The following GRK7 variants were observed in gnomAD, a reference collection of about 807,000 sequenced individuals.
GRK7 encodes rhodopsin kinase GRK7.
In GRK7, 24 loss-of-function variants were observed where a neutral mutation model predicts 34.1. The observed-to-expected ratio is 0.70, with a 90% confidence interval of 0.51 to 0.99. The LOEUF is 0.99. GRK7 is among the 50% of genes least tolerant of loss of function. GRK7 has a pLI of 0.00. For synonymous variants in GRK7, 256 were observed against 279.4 expected (o/e 0.92, Z 0.84); for missense variants, 644 against 707.3 (o/e 0.91, Z 1.02).
At chr3:141,801,681 T>C (rs1302522887) in intron 4 of GRK7, among the ~76,000 whole-genome samples, 1 of 152,186 alleles carries the variant, frequency 6.6e-6, no homozygotes, top group African/African-American at 2.4e-5. Context: ...TGTAGTGCTT[T>C]GTTTTAGTGT....
chr3:141,796,665 T>C (rs1304579404), intron 4 of GRK7, among the ~76,000 whole-genome samples: 1 of 152,194 alleles, frequency 6.6e-6, no homozygotes, highest in Non-Finnish European at 1.5e-5. Flanking sequence ...GGGGTTTCAT[T>C]TGTGGTTTTC....
At chr3:141,787,302 A>T (rs1307994172) in intron 4 of GRK7, among the ~76,000 whole-genome samples, 1 of 152,198 alleles carries the variant, frequency 6.6e-6, no homozygotes, top group Non-Finnish European at 1.5e-5. Context: ...GAAGGTAGCC[A>T]GAGAAATATT....
intron 5 of GRK7, among the ~76,000 whole-genome samples, chr3:141,811,666 T>C (rs1159850058): frequency 6.6e-6 from 1 of 152,220 alleles, no homozygotes; most frequent in Non-Finnish European, 1.5e-5. Context: ...ATTTCAACTC[T>C]TTATATTTTT....
chr3:141,794,811 G>A (rs1577920729), intron 4 of GRK7, among the ~76,000 whole-genome samples: 1 of 152,238 alleles, frequency 6.6e-6, no homozygotes, highest in East Asian at 1.9e-4. Context: ...GTGATGGTTT[G>A]GATACGGGGT....
intron 1 of GRK7, among the ~76,000 whole-genome samples, chr3:141,773,588 T>G (rs1342941827): frequency 2.0e-5 from 3 of 152,176 alleles, no homozygotes; most frequent in African/African-American, 2.4e-5. Context: ...CTCGGCTCAC[T>G]GCAAGCTCCA....
chr3:141,782,293 A>G (rs555579371), intron 4 of GRK7, among the ~76,000 whole-genome samples: 91 of 152,274 alleles, frequency 6.0e-4, no homozygotes, highest in African/African-American at 2.1e-3. Flanking sequence ...AAGAAGTGGG[A>G]GCAAATTGGA....
At chr3:141,794,888 C>T (rs1351508885) in intron 4 of GRK7, among the ~76,000 whole-genome samples, 1 of 152,138 alleles carries the variant, frequency 6.6e-6, no homozygotes. Context: ...GACTTAGACC[C>T]TGAGTACTAA....
chr3:141,794,083 A>G (rs192005268), intron 4 of GRK7, among the ~76,000 whole-genome samples: 1 of 152,106 alleles, frequency 6.6e-6, no homozygotes, highest in Non-Finnish European at 1.5e-5. Flanking sequence ...TGGGGGTAGA[A>G]GTGGGAGGTG....
At position 141,819,321 on chromosome 3, in the gene GRK7, TA is replaced by T. The variant is rs1478840995; in HGVS notation, c.*2278del. On this transcript the variant is annotated 3_prime_UTR_variant, in exon 6 of 6. Transcript: ENST00000682958. ...TAAAAGGACAAAAAATTTGGAGAGA[TA>T]AAAAAATAAAAATGTCTTGTTGCAT... is the stretch of plus-strand genomic sequence containing the variant. 2.6e-5 allele frequency among the ~76,000 whole-genome samples: 4 copies of T among 152,254 alleles called. No homozygotes were observed. The East Asian group carries it at 7.7e-4, about 29-fold the overall frequency.
chr3:141,809,177 G>C (rs1317017033), intron 5 of GRK7, among the ~76,000 whole-genome samples: 1 of 152,068 alleles, frequency 6.6e-6, no homozygotes, highest in Non-Finnish European at 1.5e-5. Flanking sequence ...ACTCCAGCCT[G>C]GGCAACAGAG....
chr3:141,760,247 C>T (rs1236335884), upstream of GRK7, among the ~76,000 whole-genome samples: 1 of 123,786 alleles, frequency 8.1e-6, no homozygotes, highest in Non-Finnish European at 1.7e-5. Flanking sequence ...CTCTTGTGGG[C>T]ATTTAGTGCT....
rs1376151396 is a variant in GRK7, at chr3:141,779,211, CTAAATTGTGA to C, written c.612+319_612+328del. 1.3e-4 allele frequency among the ~76,000 whole-genome samples: 19 copies of C among 151,988 alleles called. 1 individual carries two copies. Among genetic ancestry groups the C allele is most frequent in the Admixed American group, 6.6e-5 (1 of 15,250 alleles). ...GTGTGACAGAAGATCTCCGTTTCCC[CTAAATTGTGA>C]TAATGAAGGCACTTCAAGAAAAATG... On this transcript the variant is annotated intron_variant, in intron 3 of 5. Transcript: ENST00000682958.
chr3:141,810,170 A>G (rs1204394913), intron 5 of GRK7, among the ~76,000 whole-genome samples: 1 of 152,088 alleles, frequency 6.6e-6, no homozygotes, highest in East Asian at 1.9e-4. Context: ...CTTTGGAGTC[A>G]AACTGCAATC....
chr3:141,778,432 C>T lies in GRK7; in HGVS notation c.148C>T (p.Gln50Ter). 6.2e-7 allele frequency: 1 copy of T among 1,612,952 alleles called. No individual in the cohort carries two copies. ...PGLQGCAELR[Q>*]KLSLNFHSLC... Reference sequence around the variant, plus strand: ...GCTGCAGGGCTGCGCGGAGCTCCGCCAGAAGCTGTCCCTGAACTTCCACAG... The same window carrying T: ...GCTGCAGGGCTGCGCGGAGCTCCGCTAGAAGCTGTCCCTGAACTTCCACAG... Residue 50 changes from glutamine (Q) to a stop codon, truncating the protein, a stop_gained, in exon 3 of 6, where the codon CAG becomes TAG. Coordinates refer to ENST00000682958, the MANE Select transcript of GRK7 (RefSeq NM_139209.3). LOFTEE classifies it high-confidence loss of function. This position sits in a 1 kb window ranked among gnomAD's most constrained non-coding sequence, Gnocchi z 4.1.
chr3:141,779,479 T>C (rs2084660536), intron 3 of GRK7, among the ~76,000 whole-genome samples: 1 of 151,970 alleles, frequency 6.6e-6, no homozygotes, highest in South Asian at 2.1e-4. Context: ...TGAGAACCTG[T>C]TTTGTACCAC....
intron 4 of GRK7, among the ~76,000 whole-genome samples, chr3:141,796,262 T>C (rs1214810504): frequency 6.6e-6 from 1 of 152,194 alleles, no homozygotes; most frequent in Non-Finnish European, 1.5e-5. Context: ...AATGTACTCA[T>C]GGGTTGGCCA....
At chr3:141,766,165 T>A (rs2084579789) in intron 1 of GRK7, among the ~76,000 whole-genome samples, 1 of 144,892 alleles carries the variant, frequency 6.9e-6, no homozygotes, top group Non-Finnish European at 1.5e-5. Flanking sequence ...TTAACTTAAT[T>A]TTTTCTTTTT....
In GRK7 at chr3:141,807,749, T is replaced by G. The variant is rs1252099596; in HGVS notation, c.1155T>G (p.Val385=). 8.7e-6 allele frequency: 14 copies of G among 1,614,012 alleles called. No homozygotes were observed. The highest frequency in any genetic ancestry group is 1.2e-5 in the Non-Finnish European group (14 of 1,179,932). ...TGGGATGCAGCATTTATGAAATGGT[T>G]GCTGGACGAACACCATTCAAAGATT... ...FAMGCSIYEM[V]AGRTPFKDYK... The change falls in exon 5 of 6, where the codon GTT becomes GTG. Residue 385 remains valine, a synonymous_variant. Coordinates refer to ENST00000682958, the MANE Select transcript of GRK7 (RefSeq NM_139209.3).
intron 4 of GRK7, among the ~76,000 whole-genome samples, chr3:141,781,533 T>A: frequency 7.5e-6 from 1 of 132,746 alleles, no homozygotes; most frequent in African/African-American, 2.8e-5. Flanking sequence ...CAAGACTCTG[T>A]CTCAAAAAAA....
Sources: allele counts gnomAD v4.1 joint callset (sites outside exome capture counted in the v4.1 genomes callset), GRCh38; gene constraint gnomAD v4.1.1; non-coding constraint Gnocchi (gnomAD v3.1); transcripts MANE v1.5; gene names NCBI Gene and HGNC (gene_info 2026-07-23, HGNC 2026-07-21).